GOSR2: variants seen among roughly 807,000 people sequenced by gnomAD.
The protein encoded by GOSR2 is golgi SNAP receptor complex member 2.
Under a neutral mutation model 27.9 loss-of-function variants are expected in GOSR2, and 20 were observed. The observed-to-expected ratio is 0.72, with a 90% CI of 0.50 to 1.04. The LOEUF (loss-of-function observed/expected upper bound fraction) is 1.04, where lower values mean the gene tolerates loss of function less well. Among genes scored for constraint, GOSR2 ranks in the 50% least tolerant of loss-of-function variants. The pLI, the probability that GOSR2 is intolerant of heterozygous loss-of-function variation, is 0.00. For missense variants in GOSR2, 261 were observed against 270.5 expected, an observed-to-expected ratio of 0.97 and a Z score of 0.25; for synonymous variants, 91 against 98.8, an observed-to-expected ratio of 0.92 and a Z score of 0.47.
intron 3 of GOSR2, 27 bp from the exon 4 acceptor site, chr17:46,932,040 T>C (rs778332408): frequency 1.2e-5 from 19 of 1,611,378 alleles, no homozygotes; most frequent in Non-Finnish European, 1.4e-5. Flanking sequence ...GTTCCTGGAA[T>C]TTAATCTCTC....
intron 6 of GOSR2, among the ~76,000 whole-genome samples, chr17:46,957,433 T>C (rs1044973434): frequency 6.6e-6 from 1 of 151,994 alleles, no homozygotes; most frequent in African/African-American, 2.4e-5. Flanking sequence ...GCCAACATGG[T>C]GAAACCCCAT....
At chr17:46,947,667 C>T (rs896255351) in intron 6 of GOSR2, among the ~76,000 whole-genome samples, 7 of 152,218 alleles carry the variant, frequency 4.6e-5, no homozygotes, top group African/African-American at 1.7e-4. Flanking sequence ...TTGGGCTAAT[C>T]ACCCAAACCT....
In GOSR2 at chr17:46,935,295, C is replaced by T. The variant is rs939106879; in HGVS notation, c.477+126C>T. ...TGATATTTTGATGACAAGACAGAGCCCTTGAGTTTGGGATCCTTTCTGTTG... is the reference window on the plus strand; with the variant it reads ...TGATATTTTGATGACAAGACAGAGCTCTTGAGTTTGGGATCCTTTCTGTTG... On this transcript the variant is annotated intron_variant, in intron 5 of 5. Coordinates refer to ENST00000640051, the MANE Select transcript of GOSR2 (RefSeq NM_004287.5). 3.7e-5 allele frequency: 58 copies of T among 1,564,966 alleles called. 1 individual carries two copies. The highest frequency in any genetic ancestry group is 2.6e-6 in the Non-Finnish European group (3 of 1,155,742).
Position 46,940,205 on chromosome 17 carries a change from T to G in GOSR2, c.*1445T>G. 7.1e-7 allele frequency: 1 copy of G among 1,401,160 alleles called. No individual in the cohort carries two copies. Among genetic ancestry groups the G allele is most frequent in the Non-Finnish European group, 9.3e-7 (1 of 1,080,202 alleles). The allele number at this position is 1,401,160 out of a possible 1,614,324, so 86.8% of individuals were successfully genotyped here. On this transcript the variant is annotated 3_prime_UTR_variant, in exon 6 of 6. Coordinates refer to ENST00000640051, the MANE Select transcript of GOSR2 (RefSeq NM_004287.5). ...ATAGCTCCCCTTTGGTAAGTTTTCT[T>G]AATTGTCATAGATTAACTGAGTTTC...
intron 6 of GOSR2, among the ~76,000 whole-genome samples, chr17:46,950,505 T>TA: frequency 6.6e-6 from 1 of 152,178 alleles, no homozygotes; most frequent in Non-Finnish European, 1.5e-5. Context: ...AAGGCCCAAT[T>TA]AAAATAGCAC....
rs556156663 is a variant in GOSR2 at position 46,951,687 on chromosome 17, A to G, written c.583+12983A>G. On this transcript the variant is annotated intron_variant, in intron 6 of 6. Coordinates refer to the GOSR2 transcript ENST00000573224. Reference sequence around the variant, plus strand: ...CTGCACAACCTCCCAGGCCAGGGTAATGCTGACAGGGTTGCCCCAAAGTCA... The same window carrying G: ...CTGCACAACCTCCCAGGCCAGGGTAGTGCTGACAGGGTTGCCCCAAAGTCA... Among the ~76,000 whole-genome samples the G allele has an allele frequency of 2.0e-5, 3 of 152,314 alleles. No homozygotes were observed. The South Asian group carries it at 6.2e-4, about 32-fold the overall frequency.
At chr17:46,968,087 G>A (rs544762839), downstream of GOSR2, among the ~76,000 whole-genome samples, 1 of 152,032 alleles carries the variant, frequency 6.6e-6, no homozygotes, top group Non-Finnish European at 1.5e-5. Flanking sequence ...GGGGCATATG[G>A]CATGGCCCAG....
chr17:46,935,928 C>G, intron 5 of GOSR2: 9 of 985,736 alleles, frequency 9.1e-6, no homozygotes, highest in Non-Finnish European at 1.1e-5. Context: ...ATGAAGCACT[C>G]CCAGCCACTG....
exon 7 of GOSR2, chr17:46,966,824 A>C: frequency 2.3e-6 from 1 of 429,116 alleles, no homozygotes; most frequent in Non-Finnish European, 4.1e-6. Flanking sequence ...CAGAATTATG[A>C]AAAGTGCTTC....
chr17:46,962,997 G>A (rs1164180225), intron 6 of GOSR2, among the ~76,000 whole-genome samples: 1 of 151,960 alleles, frequency 6.6e-6, no homozygotes, highest in East Asian at 1.9e-4. Context: ...AGAAACTGAG[G>A]CTTGGAAAGA....
chr17:46,966,591 C>A, exon 7 of GOSR2: 1 of 690,604 alleles, frequency 1.4e-6, no homozygotes, highest in East Asian at 2.8e-5. Context: ...TCAAGAGATC[C>A]TCCTGCATCA....
intron 1 of GOSR2, among the ~76,000 whole-genome samples, chr17:46,926,062 G>A: frequency 6.6e-6 from 1 of 152,128 alleles, no homozygotes; most frequent in Non-Finnish European, 1.5e-5. Flanking sequence ...CATTTAACAA[G>A]CTCCCTAGGT....
intron 6 of GOSR2, among the ~76,000 whole-genome samples, chr17:46,972,423 G>A (rs1371840986): frequency 6.6e-6 from 1 of 152,218 alleles, no homozygotes; most frequent in African/African-American, 2.4e-5. Flanking sequence ...ACCTGGGACA[G>A]GAAAGGATTC....
At position 46,930,309 on chromosome 17, in the gene GOSR2, A is replaced by T. The variant is rs2087147050; in HGVS notation, c.94+725A>T. On this transcript the variant is annotated intron_variant, in intron 2 of 5. Coordinates refer to ENST00000640051, the MANE Select transcript of GOSR2 (RefSeq NM_004287.5). ...GCAGTGTCACTGCTGTCACTTCTTT[A>T]TGGGGCAAGAAGCAGTCTGGATGCT... 3.3e-5 allele frequency: 5 copies of T among 152,258 alleles called. No homozygotes were observed. In the South Asian group the frequency reaches 1.0e-3, roughly 32 times the overall value. The allele number at this position is 152,258 out of a possible 1,614,324, so 9.4% of individuals were successfully genotyped here.
At chr17:46,923,629 C>G (rs2086032893) in intron 1 of GOSR2, 1 of 1,222,822 alleles carries the variant, frequency 8.2e-7, no homozygotes, top group Admixed American at 3.9e-5. Flanking sequence ...ATTGGAGAGT[C>G]AGGGCACGTA....
At chr17:46,950,359 A>G (rs1289120076) in intron 6 of GOSR2, among the ~76,000 whole-genome samples, 1 of 152,126 alleles carries the variant, frequency 6.6e-6, no homozygotes, top group Non-Finnish European at 1.5e-5. Flanking sequence ...AAGGGCCAGG[A>G]GGGTGAGGAT....
At chr17:46,942,345 A>G (rs991908885), downstream of GOSR2, among the ~76,000 whole-genome samples, 1 of 152,164 alleles carries the variant, frequency 6.6e-6, no homozygotes, top group African/African-American at 2.4e-5. Flanking sequence ...ATCCCTGCCA[A>G]TCTGAAACCC....
intron 6 of GOSR2, among the ~76,000 whole-genome samples, chr17:46,954,595 G>A (rs1428912487): frequency 6.6e-6 from 1 of 152,110 alleles, no homozygotes; most frequent in African/African-American, 2.4e-5. Flanking sequence ...GGATGACATT[G>A]AATCTATAAA....
chr17:46,935,978 T>C (rs1205343644), intron 5 of GOSR2: 1 of 985,800 alleles, frequency 1.0e-6, no homozygotes, highest in Admixed American at 6.1e-5. Flanking sequence ...GAGCTTTATC[T>C]TAGTTTTTGT....
Sources: gnomAD v4.1 joint callset for allele counts (sites outside exome capture counted in the v4.1 genomes callset) on GRCh38, gnomAD v4.1.1 for gene constraint, MANE v1.5 for transcripts, NCBI Gene and HGNC (gene_info 2026-07-23, HGNC 2026-07-21) for gene names.